The following KHDRBS1 variants were observed in gnomAD, a reference collection of about 807,000 sequenced individuals.
The protein encoded by KHDRBS1 is KH RNA binding domain containing, signal transduction associated 1, also known as KH domain-containing, RNA-binding, signal transduction-associated protein 1.
Under a neutral mutation model 48.4 loss-of-function variants are expected in KHDRBS1, and 7 were observed. That is an observed-to-expected ratio of 0.14 (90% CI 0.08 to 0.27). The LOEUF (loss-of-function observed/expected upper bound fraction) is 0.27, where lower values mean the gene tolerates loss of function less well. Ranked by LOEUF, KHDRBS1 falls within the 10% of genes least tolerant of loss-of-function variation. The probability of loss-of-function intolerance (pLI) is 1.00; values close to 1 mark genes in which losing one functional copy is unlikely to be tolerated. For synonymous variants in KHDRBS1, 241 were observed against 235.8 expected (o/e 1.02, Z -0.20); for missense variants, 458 against 601.2 (o/e 0.76, Z 2.49).
At chr1:32,057,715 C>T (rs1403188842) in intron 10 of KHDRBS1, among the ~76,000 whole-genome samples, 11 of 150,954 alleles carry the variant, frequency 7.3e-5, no homozygotes, top group South Asian at 6.3e-4. Flanking sequence ...AGGAGAATGG[C>T]GTGAACCCGG....
In KHDRBS1 at chr1:32,039,366, G is replaced by A. The variant is rs1639241416; in HGVS notation, c.1176-149G>A. Reference sequence around the variant, plus strand: ...TAAGTACATAGTCTATACATATTTTGGAAATACTTTACGGTTTAGGGATGG... The same window carrying A: ...TAAGTACATAGTCTATACATATTTTAGAAATACTTTACGGTTTAGGGATGG... On this transcript the variant is annotated intron_variant, in intron 7 of 8. Transcript: ENST00000327300. 3 of 617,326 alleles carry A rather than the reference G, an allele frequency of 4.9e-6. No homozygotes were observed. The Middle Eastern group carries it at 8.7e-4, about 180-fold the overall frequency. The allele number at this position is 617,326 out of a possible 1,614,324, so 38.2% of individuals were successfully genotyped here.
chr1:32,019,541 AAAAG>A lies in KHDRBS1; in HGVS notation c.382+5180_382+5183del, dbSNP rs547977419. The stretch of plus-strand genomic sequence containing the variant: ...TGAAACTCAATCTCAAAAAAAAACA[AAAAG>A]AAAGAAAGAAAGAAAAAGAAAATAT... On this transcript the variant is annotated intron_variant, in intron 1 of 8. Coordinates refer to ENST00000327300, the MANE Select transcript of KHDRBS1 (RefSeq NM_006559.3). Among the ~76,000 whole-genome samples the A allele has an allele frequency of 2.1e-3, 319 of 152,246 alleles. 2 individuals carry two copies. The highest frequency in any genetic ancestry group is 5.4e-3 in the African/African-American group (223 of 41,530).
rs750816164 is a variant in KHDRBS1, at chr1:32,014,062, C to A, written c.67C>A (p.Pro23Thr). ...TTCGGGCCGTAGCGGCTCCATGGAC[C>A]CCTCCGGTGCCCACCCCTCGGTGCG... ...RSSGRSGSMD[P>T]SGAHPSVRQT... The change falls in exon 1 of 9, where the codon CCC (proline) becomes ACC (threonine). Residue 23 changes from proline to threonine, a missense_variant. Physicochemically the swap from Pro to Thr is conservative, Grantham distance 38. Around this residue, in one of 3 missense-constraint regions of KHDRBS1, gnomAD observed 213 missense variants for 215.6 expected, o/e 0.99. Coordinates refer to ENST00000327300, the MANE Select transcript of KHDRBS1 (RefSeq NM_006559.3). 2.0e-6 allele frequency: 3 copies of A among 1,498,698 alleles called. No individual in the cohort carries two copies. The highest frequency in any genetic ancestry group is 1.3e-5 in the South Asian group (1 of 79,848). 92.8% of individuals were successfully genotyped at this position (1,498,698 alleles called of 1,614,324 possible).
chr1:32,030,945 T>C (rs1388886756), intron 2 of KHDRBS1, among the ~76,000 whole-genome samples: 1 of 152,000 alleles, frequency 6.6e-6, no homozygotes, highest in Non-Finnish European at 1.5e-5. Context: ...GCCTTAAAAA[T>C]GTTGATGTAT....
intron 8 of KHDRBS1, among the ~76,000 whole-genome samples, chr1:32,039,799 G>A (rs894370273): frequency 6.6e-6 from 1 of 152,128 alleles, no homozygotes; most frequent in African/African-American, 2.4e-5. Context: ...CTCTTGGAAG[G>A]GTAGTGTTTG....
chr1:32,040,350 A>T (rs1639259502), intron 8 of KHDRBS1, among the ~76,000 whole-genome samples: 1 of 151,984 alleles, frequency 6.6e-6, no homozygotes. Context: ...TGGGAGGCGG[A>T]GGTTGCAACG....
At chr1:32,024,231 C>T (rs1231936753) in intron 1 of KHDRBS1, among the ~76,000 whole-genome samples, 7 of 151,354 alleles carry the variant, frequency 4.6e-5, no homozygotes, top group East Asian at 1.9e-4. Flanking sequence ...CCAGCCTGGG[C>T]GACAGAGTGA....
intron 6 of KHDRBS1, chr1:32,038,239 A>G: frequency 1.3e-6 from 1 of 764,866 alleles, no homozygotes. Context: ...TGTAGATTAA[A>G]CAAGAAATAA....
chr1:32,034,847 G>T (rs924581115), intron 4 of KHDRBS1, among the ~76,000 whole-genome samples: 2 of 151,940 alleles, frequency 1.3e-5, no homozygotes, highest in Non-Finnish European at 2.9e-5. Context: ...TGGGCGTGGT[G>T]GCAGGCGCCT....
intron 1 of KHDRBS1, among the ~76,000 whole-genome samples, chr1:32,028,855 G>C (rs1432984298): frequency 1.3e-5 from 2 of 150,132 alleles, no homozygotes; most frequent in Non-Finnish European, 3.0e-5. Flanking sequence ...GCTTTCAGTT[G>C]CTACTCATCC....
At position 32,059,180 on chromosome 1, in the gene KHDRBS1, A is replaced by C. The variant is rs549633504; in HGVS notation, n.1302-983A>C. ...TGTCTCAGGAGAAAAAAAAAAAAAA[A>C]AAAACAAAACCTTTTAGGCGATAGA... On this transcript the variant is annotated intron_variant and non_coding_transcript_variant, in intron 10 of 10. Transcript: ENST00000484270. 7.9e-4 allele frequency among the ~76,000 whole-genome samples: 119 copies of C among 151,454 alleles called. 4 individuals carry two copies. The South Asian group carries it at 0.021, about 27-fold the overall frequency.
chr1:32,049,412 C>A (rs1294170323), intron 10 of KHDRBS1, among the ~76,000 whole-genome samples: 1 of 151,406 alleles, frequency 6.6e-6, no homozygotes, highest in Non-Finnish European at 1.5e-5. Flanking sequence ...TAGCATGTAT[C>A]CCTACTTTGT....
At chr1:32,016,325 G>A (rs1276092962) in intron 1 of KHDRBS1, among the ~76,000 whole-genome samples, 1 of 151,932 alleles carries the variant, frequency 6.6e-6, no homozygotes, top group Non-Finnish European at 1.5e-5. Context: ...CACTTATACA[G>A]ATGAGGAAAC....
chr1:32,016,957 C>G (rs1638753284), intron 1 of KHDRBS1, among the ~76,000 whole-genome samples: 1 of 151,966 alleles, frequency 6.6e-6, no homozygotes. Context: ...GAAGATGGGA[C>G]TGATGAAAAA....
chr1:32,033,155 C>G (rs1388456931), intron 3 of KHDRBS1, 33 bp from the exon 4 acceptor site: 4 of 1,595,918 alleles, frequency 2.5e-6, no homozygotes, highest in Non-Finnish European at 3.4e-6. Context: ...CTCCCTAGTC[C>G]ATGGTGTGAC....
At chr1:32,020,077 TTTTG>T (rs139181817) in intron 1 of KHDRBS1, among the ~76,000 whole-genome samples, 5,841 of 151,756 alleles carry the variant, frequency 0.038, 188 homozygotes, top group Middle Eastern at 0.078. Context: ...CCAATGCAGG[TTTTG>T]TTTGTTTGTT....
At chr1:32,017,769 G>C (rs946449399) in intron 1 of KHDRBS1, among the ~76,000 whole-genome samples, 1 of 151,764 alleles carries the variant, frequency 6.6e-6, no homozygotes, top group Middle Eastern at 3.4e-3. Context: ...CACCACGCCC[G>C]GCTAATTTCG....
downstream of KHDRBS1, among the ~76,000 whole-genome samples, chr1:32,047,147 C>T (rs1001077544): frequency 1.3e-5 from 2 of 152,118 alleles, no homozygotes; most frequent in Non-Finnish European, 2.9e-5. Flanking sequence ...TTCTATCACT[C>T]ACTACCTGTG....
chr1:32,017,148 C>T (rs1227355355), intron 1 of KHDRBS1, among the ~76,000 whole-genome samples: 1 of 151,848 alleles, frequency 6.6e-6, no homozygotes, highest in Non-Finnish European at 1.5e-5. Flanking sequence ...ATCCCAGCTA[C>T]TTGGGAGGCT....
Sources: gnomAD v4.1 joint callset for allele counts (sites outside exome capture counted in the v4.1 genomes callset) on GRCh38, gnomAD v4.1.1 for gene constraint, gnomAD v4.1.1 regional missense constraint, MANE v1.5 for transcripts, NCBI Gene and HGNC (gene_info 2026-07-23, HGNC 2026-07-21) for gene names.